RALGDS: variants seen among roughly 807,000 people sequenced by gnomAD.
The protein encoded by RALGDS is ral guanine nucleotide exchange factor.
RALGDS carries 44 observed loss-of-function variants against 99.8 expected under a neutral mutation model. The observed-to-expected ratio is 0.44, with a 90% CI of 0.35 to 0.57. RALGDS has a LOEUF of 0.57. Among genes scored for constraint, RALGDS ranks in the 20% least tolerant of loss-of-function variants. RALGDS has a pLI of 0.01. For missense variants in RALGDS, 1,022 were observed against 1,203.1 expected (o/e 0.85, Z 2.23); for synonymous variants, 529 against 505.0 (o/e 1.05, Z -0.64).
Position 133,112,041 on chromosome 9 carries a change from C to G in RALGDS, c.294+1G>C. 1 of 1,569,584 alleles carries G rather than the reference C, an allele frequency of 6.4e-7. No homozygotes were observed. The highest frequency in any genetic ancestry group is 2.4e-5 in the East Asian group (1 of 42,246). On this transcript the variant is annotated splice_donor_variant, in intron 2 of 17. Coordinates refer to ENST00000372050, the MANE Select transcript of RALGDS (RefSeq NM_006266.4). LOFTEE classifies it high-confidence loss of function. ...CCAGTGGAGACCCCGAGCGCACTCA[C>G]CCCGAGCCAGCGCTGCCCCTTGTTG...
chr9:133,119,964 C>G (rs1050295101), intron 1 of RALGDS, among the ~76,000 whole-genome samples: 2 of 152,186 alleles, frequency 1.3e-5, no homozygotes, highest in Admixed American at 1.3e-4. Context: ...CGACTGGAGA[C>G]GCAGCAAGGC....
chr9:133,139,804 G>C (rs532050421), intron 1 of RALGDS, among the ~76,000 whole-genome samples: 1 of 152,274 alleles, frequency 6.6e-6, no homozygotes, highest in Admixed American at 6.5e-5. Context: ...TGCCATCTGC[G>C]GAGGGCCTGC....
chr9:133,116,782 C>T (rs1831630571), intron 1 of RALGDS, among the ~76,000 whole-genome samples: 1 of 152,260 alleles, frequency 6.6e-6, no homozygotes, highest in African/African-American at 2.4e-5. Flanking sequence ...GGAACTCGCC[C>T]AGGTCAGGAG....
rs777885180 is a variant in RALGDS at position 133,104,296 on chromosome 9, G to T, written c.1638C>A (p.Asn546Lys). The change falls in exon 10 of 18, where the codon AAC (asparagine) becomes AAA (lysine). Residue 546 changes from asparagine (N) to lysine (K), a missense_variant. By Grantham distance (94) the Asn-to-Lys change is moderately conservative. Transcript: ENST00000372050. Reference sequence around the variant, plus strand: ...TCGGCCGTTTCTGGGCTCTCTTGGGGTTCATCTCCAGGGTGGCAAACTTGG... The same window carrying T: ...TCGGCCGTTTCTGGGCTCTCTTGGGTTTCATCTCCAGGGTGGCAAACTTGG... ...GTSKFATLEMNPKRAQKRPKE... is the reference protein window; with the variant it reads ...GTSKFATLEMKPKRAQKRPKE... The T allele has an allele frequency of 2.1e-5, 34 of 1,613,926 alleles. No homozygotes were observed. Among genetic ancestry groups the T allele is most frequent in the Middle Eastern group, 1.6e-4 (1 of 6,078 alleles).
intron 1 of RALGDS, 119 bp downstream of exon 1, chr9:133,120,853 A>C: frequency 8.8e-7 from 1 of 1,139,094 alleles, no homozygotes. Flanking sequence ...AGGAGAGAGG[A>C]GGGAGGCGGC....
intron 1 of RALGDS, among the ~76,000 whole-genome samples, chr9:133,145,616 G>A (rs1230242693): frequency 6.6e-6 from 1 of 152,188 alleles, no homozygotes; most frequent in South Asian, 2.1e-4. Context: ...GCCACCCTGG[G>A]AGCTGGGACA....
chr9:133,115,347 C>A (rs1831546504), intron 1 of RALGDS, among the ~76,000 whole-genome samples: 1 of 152,218 alleles, frequency 6.6e-6, no homozygotes, highest in Non-Finnish European at 1.5e-5. Context: ...CTAGCCTGCA[C>A]CTCGGCCTGC....
At chr9:133,103,361 A>G (rs986901136) in intron 11 of RALGDS, 99 bp from the exon 12 acceptor site, 1 of 1,464,872 alleles carries the variant, frequency 6.8e-7, no homozygotes, top group Non-Finnish European at 9.5e-7. Flanking sequence ...ACCAGGGGGC[A>G]GGGCACGCAC....
At chr9:133,113,922 G>A (rs1324258420) in intron 1 of RALGDS, among the ~76,000 whole-genome samples, 1 of 152,244 alleles carries the variant, frequency 6.6e-6, no homozygotes, top group Non-Finnish European at 1.5e-5. Flanking sequence ...TTAACCCTGG[G>A]GGAGCCCAGC....
chr9:133,100,460 T>C, intron 16 of RALGDS, 78 bp from the exon 17 acceptor site: 1 of 1,607,966 alleles, frequency 6.2e-7, no homozygotes, highest in Non-Finnish European at 8.5e-7. Context: ...CCAAGGACCC[T>C]CTGGAGTCCC....
Position 133,108,666 on chromosome 9 carries a change from TC to T in RALGDS, c.778+6del, listed in dbSNP as rs771089289. ...CACCCTCTGGCACCCACCCCAGTCC[TC>T]CTCACCCTCAGGCTCTGCCTCAATG... On this transcript the variant is annotated splice_donor_region_variant and intron_variant, in intron 5 of 17. Transcript: ENST00000372050. 1.5e-5 allele frequency: 24 copies of T among 1,612,898 alleles called. No individual in the cohort carries two copies.
At chr9:133,118,897 G>C (rs1225793583) in intron 1 of RALGDS, among the ~76,000 whole-genome samples, 1 of 152,198 alleles carries the variant, frequency 6.6e-6, no homozygotes, top group East Asian at 1.9e-4. Flanking sequence ...CCTAGAAGGT[G>C]GTGTTGGCAC....
At chr9:133,120,844 G>T in intron 1 of RALGDS, 128 bp downstream of exon 1, 1 of 1,076,510 alleles carries the variant, frequency 9.3e-7, no homozygotes, top group Non-Finnish European at 1.2e-6. Context: ...CACCTATGGA[G>T]GAGAGAGGAG....
chr9:133,148,865 G>T, intron 1 of RALGDS: 1 of 1,452,138 alleles, frequency 6.9e-7, no homozygotes. Flanking sequence ...CGCTCAGCGT[G>T]GACGCGGCGC....
chr9:133,102,652 G>C (rs1338039806), intron 13 of RALGDS, 81 bp from the exon 14 acceptor site: 1 of 1,604,142 alleles, frequency 6.2e-7, no homozygotes, highest in African/African-American at 1.3e-5. Flanking sequence ...AGCTGGAGTC[G>C]GGGTGCCCCG....
chr9:133,122,282 G>C (rs1326569610), upstream of RALGDS, among the ~76,000 whole-genome samples: 2 of 152,210 alleles, frequency 1.3e-5, no homozygotes, highest in Non-Finnish European at 2.9e-5. Flanking sequence ...GAATGAATGG[G>C]ACCCTTCCTC....
chr9:133,122,262 G>A (rs1362494244), upstream of RALGDS, among the ~76,000 whole-genome samples: 1 of 152,244 alleles, frequency 6.6e-6, no homozygotes, highest in East Asian at 1.9e-4. Flanking sequence ...GCAGGGCCAG[G>A]AGAATGGATG....
In RALGDS at chr9:133,108,168, T is replaced by C; in HGVS notation, c.1017A>G (p.Pro339=). Residue 339 remains proline (P), a synonymous_variant, in exon 6 of 18, where the codon CCA becomes CCG. Transcript: ENST00000372050. ...PAPALELEPA[P]EQDPAPSQTL... is the part of the protein sequence containing the mutation. ...TTTGTGAGGGAGCTGGATCCTGTTCTGGAGCTGGCTCTAGTTCCAGAGCTG... is the reference window on the plus strand; with the variant it reads ...TTTGTGAGGGAGCTGGATCCTGTTCCGGAGCTGGCTCTAGTTCCAGAGCTG... 1 of 1,613,428 alleles carries C rather than the reference T, an allele frequency of 6.2e-7. No homozygotes were observed. The highest frequency in any genetic ancestry group is 8.5e-7 in the Non-Finnish European group (1 of 1,179,964).
At chr9:133,131,062 T>C (rs1832319781) in exon 1 of RALGDS, 4 of 1,519,280 alleles carry the variant, frequency 2.6e-6, no homozygotes, top group Admixed American at 2.1e-5. Context: ...GCAGGGGCTG[T>C]GGAGTGCCCC....
Sources: gnomAD v4.1 joint callset for allele counts (sites outside exome capture counted in the v4.1 genomes callset) on GRCh38, gnomAD v4.1.1 for gene constraint, MANE v1.5 for transcripts, NCBI Gene and HGNC (gene_info 2026-07-23, HGNC 2026-07-21) for gene names.